Variants in NLRC4 observed in about 807,000 individuals in gnomAD.
NLRC4 encodes the protein NLR family CARD domain-containing protein 4.
NLRC4 carries 63 observed loss-of-function variants against 79.9 expected under a neutral mutation model. The ratio of observed to expected loss-of-function variants is 0.79; its 90% CI spans 0.64 to 0.97. NLRC4 has a LOEUF of 0.97. NLRC4 is among the 50% of genes least tolerant of loss of function. NLRC4 has a pLI of 0.00. For missense variants in NLRC4, 1,074 were observed against 1,215.2 expected (o/e 0.88, Z 1.73); for synonymous variants, 461 against 456.5 (o/e 1.01, Z -0.12).
In NLRC4 at chr2:32,249,001, C is replaced by G. The variant is rs116652360; in HGVS notation, c.2257+606G>C. ...AGTAACTTTCTCCTGATCAGAGGACCACCAACCACAGACTGGTTCTGGCTG... is the reference window on the plus strand; with the variant it reads ...AGTAACTTTCTCCTGATCAGAGGACGACCAACCACAGACTGGTTCTGGCTG... On this transcript the variant is annotated intron_variant, in intron 4 of 8. Coordinates refer to ENST00000402280, the MANE Select transcript of NLRC4 (RefSeq NM_001199138.2). Among the ~76,000 whole-genome samples, 906 of 152,224 alleles carry G rather than the reference C, an allele frequency of 6.0e-3. 11 individuals carry two copies. The highest frequency in any genetic ancestry group is 0.02 in the African/African-American group (848 of 41,526).
At chr2:32,228,026 C>A (rs1686444021) in intron 8 of NLRC4, among the ~76,000 whole-genome samples, 1 of 152,174 alleles carries the variant, frequency 6.6e-6, no homozygotes, top group Non-Finnish European at 1.5e-5. Context: ...TACCAGAGTT[C>A]TCACTGTTTA....
At chr2:32,233,724 A>G (rs1428282717) in intron 8 of NLRC4, among the ~76,000 whole-genome samples, 2 of 152,150 alleles carry the variant, frequency 1.3e-5, no homozygotes, top group African/African-American at 4.8e-5. Context: ...TATCCTTGAG[A>G]ATAATCCATG....
At chr2:32,247,315 A>AT (rs766365241) in intron 4 of NLRC4, among the ~76,000 whole-genome samples, 1,693 of 138,206 alleles carry the variant, frequency 0.012, 38 homozygotes, top group African/African-American at 0.037. Flanking sequence ...ATTTTTTTTA[A>AT]TTTTTTTTTT....
At chr2:32,249,296 G>A (rs1478383996) in intron 4 of NLRC4, among the ~76,000 whole-genome samples, 1 of 152,180 alleles carries the variant, frequency 6.6e-6, no homozygotes, top group Non-Finnish European at 1.5e-5. Context: ...AACATGGGTT[G>A]TATGTTACAT....
At chr2:32,237,761 A>G (rs1041482738) in intron 6 of NLRC4, among the ~76,000 whole-genome samples, 6 of 152,230 alleles carry the variant, frequency 3.9e-5, no homozygotes, top group Non-Finnish European at 7.3e-5. Context: ...GCCTGAGATC[A>G]TTTAAGAAAA....
Position 32,250,982 on chromosome 2 carries a change from A to C in NLRC4, c.882T>G (p.Thr294=). 2 of 1,614,114 alleles carry C rather than the reference A, an allele frequency of 1.2e-6. No homozygotes were observed. The highest frequency in any genetic ancestry group is 1.7e-6 in the Non-Finnish European group (2 of 1,180,012). The change falls in exon 4 of 9, where the codon ACT becomes ACG. Residue 294 remains threonine, a synonymous_variant. Coordinates refer to ENST00000402280, the MANE Select transcript of NLRC4 (RefSeq NM_001199138.2). This position sits in a 1 kb window ranked among gnomAD's most constrained non-coding sequence, Gnocchi z 4.9. ...CTTCTGTCATATCCCCCACCTCAGC[A>C]GTCAGGGCACCAAACTGCCGTATGT... is the stretch of plus-strand genomic sequence containing the variant. ...LRHIRQFGAL[T]AEVGDMTEDS...
In NLRC4 at chr2:32,235,463, G is replaced by A. The variant is rs199861054; in HGVS notation, c.2720C>T (p.Pro907Leu). The change falls in exon 8 of 9, where the codon CCA becomes CTA. Residue 907 changes from proline to leucine, a missense_variant. Physicochemically the swap from Pro to Leu is moderately conservative, Grantham distance 98. Coordinates refer to ENST00000402280, the MANE Select transcript of NLRC4 (RefSeq NM_001199138.2). Reference sequence around the variant, plus strand: ...TTTCAACCCAAGCTTGACGAGTTGTGGGACCTCCTCCAAATGTTTCAACAG... The same window carrying A: ...TTTCAACCCAAGCTTGACGAGTTGTAGGACCTCCTCCAAATGTTTCAACAG... The part of the protein sequence containing the change: ...SSLLKHLEEV[P>L]QLVKLGLKNW... 27 of 1,613,966 alleles carry A rather than the reference G, an allele frequency of 1.7e-5. No individual in the cohort carries two copies. Among genetic ancestry groups the A allele is most frequent in the Non-Finnish European group, 2.0e-5 (24 of 1,179,970 alleles).
At chr2:32,262,062 A>G (rs1687365219) in intron 1 of NLRC4, among the ~76,000 whole-genome samples, 1 of 152,144 alleles carries the variant, frequency 6.6e-6, no homozygotes, top group East Asian at 1.9e-4. Context: ...GCCTGGTGAC[A>G]GAGCGAGACT....
At chr2:32,254,924 G>A (rs1687171042) in intron 2 of NLRC4, among the ~76,000 whole-genome samples, 2 of 151,664 alleles carry the variant, frequency 1.3e-5, no homozygotes, top group South Asian at 4.2e-4. Flanking sequence ...GGCCGCTCCT[G>A]GCTTTCAAAC....
chr2:32,233,341 ATATATATAT>A (rs1448833436), intron 8 of NLRC4, among the ~76,000 whole-genome samples: 23 of 45,400 alleles, frequency 5.1e-4, no homozygotes, highest in Middle Eastern at 8.1e-3. Context: ...ATATATATAT[ATATATATAT>A]TTTTTTTTTT....
intron 4 of NLRC4, among the ~76,000 whole-genome samples, chr2:32,245,663 A>G (rs1686918358): frequency 6.6e-6 from 1 of 152,210 alleles, no homozygotes; most frequent in Non-Finnish European, 1.5e-5. Context: ...GAAGGGATGG[A>G]TACTCCATTT....
chr2:32,233,540 C>T (rs1217687173), intron 8 of NLRC4, among the ~76,000 whole-genome samples: 4 of 151,610 alleles, frequency 2.6e-5, no homozygotes, highest in African/African-American at 4.8e-5. Context: ...CATTGGCACA[C>T]TTGTCATTCC....
At position 32,256,822 on chromosome 2, in the gene NLRC4, A is replaced by C. The variant is rs1212856303; in HGVS notation, c.-47T>G. ...ACCTTTCTATAACACAATAGAAAAT[A>C]TTATTTCCAAATGGAAAGGTCAAAG... On this transcript the variant is annotated 5_prime_UTR_variant, in exon 2 of 9. Coordinates refer to ENST00000402280, the MANE Select transcript of NLRC4 (RefSeq NM_001199138.2). 3.8e-6 allele frequency: 3 copies of C among 779,958 alleles called. No individual in the cohort carries two copies. Among genetic ancestry groups the C allele is most frequent in the Non-Finnish European group, 7.2e-6 (3 of 417,712 alleles). The allele number at this position is 779,958 out of a possible 1,614,324, so 48.3% of individuals were successfully genotyped here.
intron 4 of NLRC4, among the ~76,000 whole-genome samples, chr2:32,247,127 C>G (rs548444355): frequency 1.3e-5 from 2 of 152,194 alleles, no homozygotes; most frequent in East Asian, 3.9e-4. Flanking sequence ...AGATGAGAAT[C>G]TTGTAACACA....
intron 8 of NLRC4, among the ~76,000 whole-genome samples, chr2:32,228,785 T>A (rs1686463252): frequency 5.3e-5 from 8 of 152,058 alleles, no homozygotes; most frequent in Admixed American, 5.2e-4. Context: ...TTTTCTTTTT[T>A]TGAGACAGGT....
rs1314266263 is a variant in NLRC4 at position 32,255,537 on chromosome 2, A to G, written c.1+1238T>C. ...CTCCGTCTCAAAAAAAAAAAAAAAA[A>G]ATAAGAAATACAGCCTCAGAAAGGC... On this transcript the variant is annotated intron_variant, in intron 2 of 8. Coordinates refer to ENST00000402280, the MANE Select transcript of NLRC4 (RefSeq NM_001199138.2). Among the ~76,000 whole-genome samples, 97 of 146,356 alleles carry G rather than the reference A, an allele frequency of 6.6e-4. 2 individuals carry two copies. The highest frequency in any genetic ancestry group is 2.2e-3 in the African/African-American group (88 of 39,802).
intron 4 of NLRC4, among the ~76,000 whole-genome samples, chr2:32,243,422 A>G (rs1686852401): frequency 1.3e-5 from 2 of 152,108 alleles, no homozygotes; most frequent in African/African-American, 4.8e-5. Flanking sequence ...AAAGAAAGAA[A>G]GAAAATTAAA....
intron 1 of NLRC4, among the ~76,000 whole-genome samples, chr2:32,260,781 A>G (rs1687324019): frequency 6.6e-6 from 1 of 152,190 alleles, no homozygotes; most frequent in African/African-American, 2.4e-5. Flanking sequence ...TCTGCATAAT[A>G]AAACATAAGG....
chr2:32,227,307 G>A (rs1006267874), intron 8 of NLRC4, among the ~76,000 whole-genome samples: 2 of 152,162 alleles, frequency 1.3e-5, no homozygotes, highest in African/African-American at 4.8e-5. Flanking sequence ...GTATAGTTGG[G>A]TCTCTGTTAT....
Sources: allele counts gnomAD v4.1 joint callset (sites outside exome capture counted in the v4.1 genomes callset), GRCh38; gene constraint gnomAD v4.1.1; non-coding constraint Gnocchi (gnomAD v3.1); transcripts MANE v1.5; gene names NCBI Gene and HGNC (gene_info 2026-07-23, HGNC 2026-07-21).